The following RBL1 variants were observed in gnomAD, a reference collection of about 807,000 sequenced individuals.
The protein encoded by RBL1 is RB transcriptional corepressor like 1, also known as retinoblastoma-like protein 1.
RBL1 carries 82 observed loss-of-function variants against 123.0 expected under a neutral mutation model. The ratio of observed to expected loss-of-function variants is 0.67; its 90% CI spans 0.56 to 0.80. The LOEUF (loss-of-function observed/expected upper bound fraction) is 0.80, where lower values mean the gene tolerates loss of function less well. RBL1 is among the 30% of genes least tolerant of loss of function. The pLI is 0.00. For missense variants in RBL1, 1,171 were observed against 1,299.6 expected, an observed-to-expected ratio of 0.90 and a Z score of 1.52; for synonymous variants, 405 against 441.3, an observed-to-expected ratio of 0.92 and a Z score of 1.03.
intron 16 of RBL1, among the ~76,000 whole-genome samples, chr20:37,023,777 A>AG (rs2064379711): frequency 1.6e-5 from 2 of 125,512 alleles, no homozygotes; most frequent in African/African-American, 3.0e-5. Flanking sequence ...TATTCAAACT[A>AG]TTTTTTTTTT....
At chr20:37,038,598 C>CTTT (rs1185859018) in intron 14 of RBL1, among the ~76,000 whole-genome samples, 9 of 118,604 alleles carry the variant, frequency 7.6e-5, no homozygotes, top group East Asian at 2.4e-4. Context: ...TGTGCCTGGC[C>CTTT]TTTTTTTTTT....
In RBL1 at chr20:37,047,085, C is replaced by T. The variant is rs779615934; in HGVS notation, c.1573G>A (p.Val525Ile). 3 of 1,593,036 alleles carry T rather than the reference C, an allele frequency of 1.9e-6. No individual in the cohort carries two copies. The highest frequency in any genetic ancestry group is 2.6e-6 in the Non-Finnish European group (3 of 1,175,534). The change falls in exon 12 of 22, where the codon GTT becomes ATT. Residue 525 changes from valine (V) to isoleucine (I), a missense_variant. Physicochemically the swap from Val to Ile is conservative, Grantham distance 29. Coordinates refer to ENST00000373664, the MANE Select transcript of RBL1 (RefSeq NM_002895.5). ...AAGTAAAATGGTTGCAAGTTGAGAA[C>T]TTCAATAATCCAAGGAAAAGTACGA... ...SPRTFPWIIE[V>I]LNLQPFYFYK...
At chr20:37,017,620 T>TTTTGTGTGTGTGTGTGTGTG (rs1555850065) in intron 19 of RBL1, among the ~76,000 whole-genome samples, 1 of 139,722 alleles carries the variant, frequency 7.2e-6, no homozygotes, top group African/African-American at 2.8e-5. Context: ...GGACATTTTC[T>TTTTGTGTGTGTGTGTGTGTG]TGTGTGTGTG....
chr20:37,000,283 C>G lies in RBL1; in HGVS notation c.3037-1354G>C, dbSNP rs552193612. ...GCCACTCCGTCTGGGAAGTGAGGAG[C>G]GTCTTCGCCTGGCAGCCACCCCGTC... is the stretch of plus-strand genomic sequence containing the variant. On this transcript the variant is annotated intron_variant, in intron 21 of 21. Transcript: ENST00000373664. 4.0e-5 allele frequency among the ~76,000 whole-genome samples: 6 copies of G among 149,312 alleles called. No homozygotes were observed. The South Asian group carries it at 8.4e-4, about 21-fold the overall frequency.
chr20:37,037,023 T>G lies in RBL1; in HGVS notation c.1904-1515A>C, dbSNP rs200687260. On this transcript the variant is annotated intron_variant, in intron 14 of 21. Coordinates refer to ENST00000373664, the MANE Select transcript of RBL1 (RefSeq NM_002895.5). The stretch of plus-strand genomic sequence containing the variant: ...TTAGTGAGGTGATTGGGAAAATAGT[T>G]ATAGTTTAATAAAAATCTCCGTAAT... Among the ~76,000 whole-genome samples, 4 of 152,338 alleles carry G rather than the reference T, an allele frequency of 2.6e-5. No individual in the cohort carries two copies. In the East Asian group the frequency reaches 7.7e-4, roughly 29 times the overall value.
intron 16 of RBL1, among the ~76,000 whole-genome samples, chr20:37,028,696 A>G (rs1175583649): frequency 1.3e-5 from 2 of 152,174 alleles, no homozygotes; most frequent in Non-Finnish European, 2.9e-5. Context: ...TAAATTCCAG[A>G]GGCTGGCCAA....
chr20:37,021,159 G>A (rs1258550909), intron 17 of RBL1, among the ~76,000 whole-genome samples: 4 of 152,318 alleles, frequency 2.6e-5, no homozygotes, highest in African/African-American at 9.6e-5. Flanking sequence ...GCTATTACAG[G>A]ATTAGGTTTT....
chr20:37,014,252 A>C (rs941846346), intron 19 of RBL1, among the ~76,000 whole-genome samples: 2 of 151,860 alleles, frequency 1.3e-5, no homozygotes, highest in African/African-American at 4.8e-5. Flanking sequence ...TATTTTAAAA[A>C]ATTTTTTGTA....
chr20:37,040,489 A>G (rs1295799383), intron 13 of RBL1, among the ~76,000 whole-genome samples: 1 of 151,970 alleles, frequency 6.6e-6, no homozygotes, highest in Non-Finnish European at 1.5e-5. Context: ...AGTAGCTGGG[A>G]CTACAGGTGT....
chr20:37,035,325 A>C lies in RBL1; in HGVS notation c.2087T>G (p.Ile696Ser). ...SSSITAENVS[I>S]LPGQTLLTMA... ...TGTTAGAAGAGTTTGACCAGGTAAA[A>C]TTGATACATTTTCAGCAGTAATGCT... Residue 696 changes from isoleucine to serine, a missense_variant, in exon 15 of 22, where the codon ATT becomes AGT. Physicochemically the swap from Ile to Ser is moderately radical, Grantham distance 142. Coordinates refer to ENST00000373664, the MANE Select transcript of RBL1 (RefSeq NM_002895.5). The C allele has an allele frequency of 6.2e-7, 1 of 1,614,078 alleles. No individual in the cohort carries two copies.
intron 9 of RBL1, among the ~76,000 whole-genome samples, chr20:37,057,415 G>A (rs1048256666): frequency 1.3e-5 from 2 of 152,126 alleles, no homozygotes; most frequent in Admixed American, 6.6e-5. Context: ...GCTGATATGT[G>A]AGGTATTATC....
At chr20:37,091,370 CAAG>C (rs2065643901) in intron 1 of RBL1, among the ~76,000 whole-genome samples, 1 of 145,254 alleles carries the variant, frequency 6.9e-6, no homozygotes, top group Non-Finnish European at 1.5e-5. Context: ...AAAAAAAAAA[CAAG>C]AATTACAGAT....
intron 12 of RBL1, among the ~76,000 whole-genome samples, chr20:37,046,008 G>A (rs534574099): frequency 1.3e-5 from 2 of 152,270 alleles, no homozygotes; most frequent in East Asian, 1.9e-4. Context: ...ATGACTAAAC[G>A]TTATTGAGGG....
chr20:37,091,257 C>G (rs1461201388), intron 1 of RBL1, among the ~76,000 whole-genome samples: 1 of 151,870 alleles, frequency 6.6e-6, no homozygotes, highest in East Asian at 1.9e-4. Context: ...ACTTGGGAGG[C>G]TGAGGAAGGA....
At chr20:37,003,938 T>A in intron 20 of RBL1, 72 bp from the exon 21 acceptor site, 1 of 1,351,040 alleles carries the variant, frequency 7.4e-7, no homozygotes, top group Non-Finnish European at 1.0e-6. Context: ...ATTTTTATTC[T>A]TATGGTATCT....
chr20:37,074,150 C>T (rs934483848), intron 2 of RBL1, among the ~76,000 whole-genome samples: 2 of 151,518 alleles, frequency 1.3e-5, no homozygotes, highest in Non-Finnish European at 2.9e-5. Flanking sequence ...TGGTAGCTTA[C>T]ACCTGTAATG....
intron 15 of RBL1, among the ~76,000 whole-genome samples, chr20:37,033,456 T>G (rs2064548325): frequency 6.6e-6 from 1 of 151,906 alleles, no homozygotes; most frequent in African/African-American, 2.4e-5. Flanking sequence ...GTGCTGGGAT[T>G]ACAGGAGTGA....
chr20:37,014,085 C>CTTTT (rs1184794374), intron 19 of RBL1, among the ~76,000 whole-genome samples: 2 of 136,324 alleles, frequency 1.5e-5, no homozygotes, highest in East Asian at 2.1e-4. Context: ...AACTTTCTCT[C>CTTTT]TTTTTTTTTT....
chr20:37,016,014 C>T (rs2064245157), intron 19 of RBL1, among the ~76,000 whole-genome samples: 1 of 148,200 alleles, frequency 6.7e-6, no homozygotes, highest in Non-Finnish European at 1.5e-5. Context: ...AGCCACCGTG[C>T]CCAGCGGTTT....
Sources: gnomAD v4.1 joint callset for allele counts (sites outside exome capture counted in the v4.1 genomes callset) on GRCh38, gnomAD v4.1.1 for gene constraint, MANE v1.5 for transcripts, NCBI Gene and HGNC (gene_info 2026-07-23, HGNC 2026-07-21) for gene names.